Variants in PBX3 observed in about 807,000 individuals in gnomAD.
PBX3 encodes PBX homeobox 3.
A neutral mutation model predicts 48.5 loss-of-function variants in PBX3; 14 were observed. The observed-to-expected ratio is 0.29, with a 90% CI of 0.19 to 0.45. The LOEUF is 0.45. Ranked by LOEUF, PBX3 falls within the 20% of genes least tolerant of loss-of-function variation. PBX3 has a pLI of 1.00. For synonymous variants in PBX3, 210 were observed against 200.3 expected (o/e 1.05, Z -0.41); for missense variants, 386 against 546.7 (o/e 0.71, Z 2.93).
At chr9:125,764,722 C>A (rs1268189351) in intron 2 of PBX3, among the ~76,000 whole-genome samples, 1 of 152,134 alleles carries the variant, frequency 6.6e-6, no homozygotes, top group Non-Finnish European at 1.5e-5. Flanking sequence ...AGTTTTAGAT[C>A]ATTGCTTAGA....
At chr9:125,934,900 G>A (rs534935986) in intron 4 of PBX3, among the ~76,000 whole-genome samples, 4 of 152,104 alleles carry the variant, frequency 2.6e-5, no homozygotes, top group South Asian at 2.1e-4. Context: ...CCTTTCATGC[G>A]CTCCTCCACC....
chr9:125,905,676 T>C (rs2132436700), intron 2 of PBX3, among the ~76,000 whole-genome samples: 1 of 152,172 alleles, frequency 6.6e-6, no homozygotes, highest in Middle Eastern at 3.4e-3. Flanking sequence ...CTTGTGAAAA[T>C]TTATCAATTA....
chr9:125,958,380 C>T, intron 5 of PBX3, among the ~76,000 whole-genome samples: 1 of 152,314 alleles, frequency 6.6e-6, no homozygotes, highest in East Asian at 1.9e-4. Flanking sequence ...TGCACACCTG[C>T]TGTGAGCATA....
chr9:125,802,684 T>C, intron 2 of PBX3, among the ~76,000 whole-genome samples: 1 of 140,770 alleles, frequency 7.1e-6, no homozygotes, highest in Non-Finnish European at 1.5e-5. Context: ...ATTTTTTTTT[T>C]GTTTGTTTTT....
Position 125,747,639 on chromosome 9 carries a change from C to A in PBX3, c.186C>A (p.Asp62Glu), listed in dbSNP as rs781541413. Reference protein sequence around the residue: ...QIMTITDQSLDEAQAKKHALN... With the variant: ...QIMTITDQSLEEAQAKKHALN... ...TGACCATCACCGACCAGAGCTTGGA[C>A]GAGGCGCAAGCAAAGTTGGTGTCGT... Residue 62 changes from aspartate (D) to glutamate (E), a missense_variant, in exon 1 of 9, where the codon GAC becomes GAA. Coordinates refer to ENST00000373489, the MANE Select transcript of PBX3 (RefSeq NM_006195.6). 15 of 1,592,026 alleles carry A rather than the reference C, an allele frequency of 9.4e-6. No individual in the cohort carries two copies. Among genetic ancestry groups the A allele is most frequent in the Non-Finnish European group, 1.1e-5 (13 of 1,169,708 alleles).
At chr9:125,869,375 A>C (rs986552946) in intron 2 of PBX3, among the ~76,000 whole-genome samples, 1 of 152,224 alleles carries the variant, frequency 6.6e-6, no homozygotes, top group Non-Finnish European at 1.5e-5. Flanking sequence ...TTAGCTGAGA[A>C]TATGTCAGAA....
intron 2 of PBX3, among the ~76,000 whole-genome samples, chr9:125,757,742 G>A (rs924240471): frequency 1.3e-5 from 2 of 152,098 alleles, no homozygotes; most frequent in Non-Finnish European, 2.9e-5. Flanking sequence ...TGCTAGATAA[G>A]GTGATACATT....
chr9:125,792,033 TACACACAC>T (rs550111379), intron 2 of PBX3, among the ~76,000 whole-genome samples: 5 of 137,374 alleles, frequency 3.6e-5, no homozygotes, highest in African/African-American at 1.1e-4. Context: ...GGATTAATAC[TACACACAC>T]ACACGCACGC....
intron 2 of PBX3, among the ~76,000 whole-genome samples, chr9:125,858,622 A>ATT (rs36077474): frequency 0.54 from 63,278 of 117,474 alleles, 17,622 homozygotes; most frequent in South Asian, 0.63. Flanking sequence ...ACTTTGGTCC[A>ATT]TTTTTTTTTT....
chr9:125,799,505 C>G (rs972094643), intron 2 of PBX3, among the ~76,000 whole-genome samples: 5 of 152,124 alleles, frequency 3.3e-5, no homozygotes, highest in Non-Finnish European at 7.4e-5. Context: ...GACCCTGTCT[C>G]AAAACAAACA....
At chr9:125,950,338 AAAT>A (rs2118761377) in intron 5 of PBX3, among the ~76,000 whole-genome samples, 1 of 152,356 alleles carries the variant, frequency 6.6e-6, no homozygotes, top group East Asian at 1.9e-4. Flanking sequence ...TCAGATAAAA[AAAT>A]ACTGTACTTG....
At chr9:125,826,904 A>G (rs1237411693) in intron 2 of PBX3, among the ~76,000 whole-genome samples, 1 of 152,158 alleles carries the variant, frequency 6.6e-6, no homozygotes, top group African/African-American at 2.4e-5. Context: ...TCTTCTAGCT[A>G]CTTTGAAATA....
chr9:125,838,821 C>T (rs1312307745), intron 2 of PBX3, among the ~76,000 whole-genome samples: 3 of 152,074 alleles, frequency 2.0e-5, no homozygotes, highest in Non-Finnish European at 2.9e-5. Flanking sequence ...AAATGTATGG[C>T]ACTAATCTGG....
intron 5 of PBX3, among the ~76,000 whole-genome samples, chr9:125,955,241 C>A (rs1037607851): frequency 6.6e-6 from 1 of 150,546 alleles, no homozygotes. Context: ...AACCTGCGAG[C>A]CCCCCTTCAG....
At chr9:125,785,470 G>A (rs1282056604) in intron 2 of PBX3, among the ~76,000 whole-genome samples, 2 of 152,132 alleles carry the variant, frequency 1.3e-5, no homozygotes, top group African/African-American at 2.4e-5. Context: ...CAGGTTCTTC[G>A]GCCTTTGGAC....
intron 2 of PBX3, among the ~76,000 whole-genome samples, chr9:125,823,891 C>A (rs142429322): frequency 6.6e-6 from 1 of 152,048 alleles, no homozygotes; most frequent in African/African-American, 2.4e-5. Context: ...GCTTGGCCAA[C>A]ATGGTGAAAC....
At chr9:125,755,822 A>G (rs1836502520) in intron 2 of PBX3, among the ~76,000 whole-genome samples, 1 of 151,876 alleles carries the variant, frequency 6.6e-6, no homozygotes. Flanking sequence ...ATTTTTCTGA[A>G]TATTAATTGA....
chr9:125,873,008 TC>T (rs1840164253), intron 2 of PBX3, among the ~76,000 whole-genome samples: 1 of 151,434 alleles, frequency 6.6e-6, no homozygotes, highest in African/African-American at 2.4e-5. Flanking sequence ...GACCAGCCTG[TC>T]CAACACTGTG....
chr9:125,777,816 GTT>G (rs777445034), intron 2 of PBX3, among the ~76,000 whole-genome samples: 47 of 152,032 alleles, frequency 3.1e-4, no homozygotes, highest in Non-Finnish European at 6.0e-4. Flanking sequence ...TAATTTGTGT[GTT>G]TCAAGGAATT....
Sources: gnomAD v4.1 joint callset for allele counts (sites outside exome capture counted in the v4.1 genomes callset) on GRCh38, gnomAD v4.1.1 for gene constraint, MANE v1.5 for transcripts, NCBI Gene and HGNC (gene_info 2026-07-23, HGNC 2026-07-21) for gene names.